The following HERC6 variants were observed in gnomAD, a reference collection of about 807,000 sequenced individuals.
The protein encoded by HERC6 is HECT and RLD domain containing E3 ubiquitin protein ligase family member 6.
In HERC6, 101 loss-of-function variants were observed where a neutral mutation model predicts 114.5. That is an observed-to-expected ratio of 0.88 (90% CI 0.75 to 1.04). The LOEUF (loss-of-function observed/expected upper bound fraction) is 1.04. Among genes scored for constraint, HERC6 ranks in the 50% least tolerant of loss-of-function variants. The pLI is 0.00. For synonymous variants in HERC6, 408 were observed against 436.2 expected (o/e 0.94, Z 0.81); for missense variants, 1,133 against 1,230.9 (o/e 0.92, Z 1.19).
intron 7 of HERC6, 47 bp from the exon 8 acceptor site, chr4:88,398,095 T>C: frequency 7.6e-7 from 1 of 1,320,268 alleles, no homozygotes; most frequent in Non-Finnish European, 1.0e-6. Context: ...ATCAGATTTA[T>C]TTTTACTTCT....
rs1002006469 is a variant in HERC6, at chr4:88,437,210, C to A, written c.2484+239C>A. Among the ~76,000 whole-genome samples, 62 of 151,974 alleles carry A rather than the reference C, an allele frequency of 4.1e-4. 2 individuals carry two copies. The highest frequency in any genetic ancestry group is 7.4e-5 in the Non-Finnish European group (5 of 68,002). ...TAGCTGGGATTATGGGCATGCGACA[C>A]CATGCCTGGCTAATTTTTGTATTCT... On this transcript the variant is annotated intron_variant, in intron 19 of 22. Transcript: ENST00000264346.
chr4:88,432,789 A>G (rs192639786), intron 17 of HERC6, among the ~76,000 whole-genome samples: 8 of 152,242 alleles, frequency 5.3e-5, no homozygotes, highest in Admixed American at 4.6e-4. Context: ...CATGTCTGTA[A>G]TTATTATATT....
At chr4:88,415,214 T>G (rs1024110022) in intron 12 of HERC6, among the ~76,000 whole-genome samples, 1 of 152,176 alleles carries the variant, frequency 6.6e-6, no homozygotes, top group Non-Finnish European at 1.5e-5. Context: ...CTTCCACAAC[T>G]TGCTTTCTCC....
intron 17 of HERC6, among the ~76,000 whole-genome samples, chr4:88,433,704 C>T (rs915453142): frequency 6.6e-6 from 1 of 152,142 alleles, no homozygotes; most frequent in Admixed American, 6.5e-5. Context: ...CTAAGAAATA[C>T]ATTCCTTTTC....
intron 10 of HERC6, among the ~76,000 whole-genome samples, chr4:88,407,335 C>T (rs543528289): frequency 6.6e-6 from 1 of 152,340 alleles, no homozygotes; most frequent in East Asian, 1.9e-4. Context: ...CCCACCTCAG[C>T]CTCCCAAAGT....
At chr4:88,426,460 A>C (rs1248227281) in intron 15 of HERC6, among the ~76,000 whole-genome samples, 1 of 138,272 alleles carries the variant, frequency 7.2e-6, no homozygotes, top group East Asian at 2.2e-4. Flanking sequence ...GAGCCACCGC[A>C]CCCGGCTTAT....
In HERC6 at chr4:88,431,318, T is replaced by A. The variant is rs761904875; in HGVS notation, c.2250+13T>A. 2 of 588,786 alleles carry A rather than the reference T, an allele frequency of 3.4e-6. No homozygotes were observed. The highest frequency in any genetic ancestry group is 4.8e-6 in the Non-Finnish European group (2 of 417,650). 36.5% of individuals were successfully genotyped at this position (588,786 alleles called of 1,614,324 possible). On this transcript the variant is annotated intron_variant, in intron 17 of 22. Transcript: ENST00000264346. ...GTTTCCTGCCAAGGTAAGTCTTTTCTTTTTTTTTTTTCCCCCAGAACAGAA... is the reference window on the plus strand; with the variant it reads ...GTTTCCTGCCAAGGTAAGTCTTTTCATTTTTTTTTTTCCCCCAGAACAGAA...
intron 22 of HERC6, among the ~76,000 whole-genome samples, chr4:88,441,503 C>G (rs995058413): frequency 6.6e-6 from 1 of 152,118 alleles, no homozygotes. Context: ...CTCCAAAGCC[C>G]AGGCTCTTGA....
At chr4:88,418,888 A>T (rs527439121) in intron 13 of HERC6, among the ~76,000 whole-genome samples, 1 of 151,966 alleles carries the variant, frequency 6.6e-6, no homozygotes, top group Admixed American at 6.6e-5. Flanking sequence ...CACCACACCC[A>T]GATAATTTTT....
At chr4:88,413,305 A>G (rs1252366693) in intron 12 of HERC6, 39 bp downstream of exon 12, 15 of 1,495,168 alleles carry the variant, frequency 1.0e-5, no homozygotes, top group Non-Finnish European at 1.4e-5. Flanking sequence ...CTCAATATAG[A>G]GTCACTCTCT....
intron 1 of HERC6, among the ~76,000 whole-genome samples, chr4:88,379,823 CAT>C (rs372707153): frequency 0.053 from 2,661 of 50,148 alleles, 94 homozygotes; most frequent in Non-Finnish European, 0.066. Flanking sequence ...ATATATATAA[CAT>C]ATAAATATAT....
At chr4:88,430,408 A>C (rs946700170) in intron 16 of HERC6, among the ~76,000 whole-genome samples, 2 of 151,830 alleles carry the variant, frequency 1.3e-5, no homozygotes, top group African/African-American at 2.4e-5. Context: ...CAGACTGCCC[A>C]AAAATACAAA....
At chr4:88,398,438 T>C (rs770543156) in intron 8 of HERC6, 8 of 378,676 alleles carry the variant, frequency 2.1e-5, no homozygotes, top group Non-Finnish European at 3.7e-5. Context: ...TTATTTTTTC[T>C]TTATGGGTAA....
At chr4:88,412,345 C>T (rs1184803273) in intron 11 of HERC6, among the ~76,000 whole-genome samples, 1 of 152,180 alleles carries the variant, frequency 6.6e-6, no homozygotes, top group Non-Finnish European at 1.5e-5. Flanking sequence ...CTGGCTCATG[C>T]CTGTAATCCT....
chr4:88,427,317 T>G (rs867752455), intron 15 of HERC6, among the ~76,000 whole-genome samples: 1 of 152,138 alleles, frequency 6.6e-6, no homozygotes, highest in Non-Finnish European at 1.5e-5. Flanking sequence ...AGCTCTTGGT[T>G]ATGTAAAAGA....
intron 19 of HERC6, 88 bp downstream of exon 19, chr4:88,437,059 C>G: frequency 9.9e-7 from 1 of 1,011,706 alleles, no homozygotes; most frequent in South Asian, 1.7e-5. Flanking sequence ...ATTTGGGATC[C>G]CTTTTTTTTT....
intron 4 of HERC6, among the ~76,000 whole-genome samples, chr4:88,392,271 G>A (rs764486777): frequency 6.7e-5 from 10 of 149,962 alleles, no homozygotes; most frequent in Non-Finnish European, 7.4e-5. Flanking sequence ...CTCAGCTCCC[G>A]AGTAGCTGGG....
intron 2 of HERC6, among the ~76,000 whole-genome samples, chr4:88,383,881 T>G (rs1037461129): frequency 2.0e-5 from 3 of 151,706 alleles, no homozygotes; most frequent in Non-Finnish European, 2.9e-5. Flanking sequence ...CAATTATTAT[T>G]TAATTAGAGC....
chr4:88,385,361 G>T, intron 2 of HERC6, 138 bp from the exon 3 acceptor site: 1 of 586,558 alleles, frequency 1.7e-6, no homozygotes, highest in East Asian at 3.2e-5. Flanking sequence ...TTGAAATAAA[G>T]GTACTATAGA....
Sources: allele counts gnomAD v4.1 joint callset (sites outside exome capture counted in the v4.1 genomes callset), GRCh38; gene constraint gnomAD v4.1.1; transcripts MANE v1.5; gene names NCBI Gene and HGNC (gene_info 2026-07-23, HGNC 2026-07-21).